The following INSR variants were observed in gnomAD, a reference collection of about 807,000 sequenced individuals.
The protein encoded by INSR is insulin receptor, also known as IR.
In INSR, 67 loss-of-function variants were observed where a neutral mutation model predicts 142.6. That is an observed-to-expected ratio of 0.47 (90% CI 0.39 to 0.58). The LOEUF (loss-of-function observed/expected upper bound fraction) is 0.58, where lower values mean the gene tolerates loss of function less well. INSR is among the 20% of genes least tolerant of loss of function. INSR has a pLI of 0.00. For missense variants in INSR, 1,248 were observed against 1,833.2 expected (o/e 0.68, Z 5.83); for synonymous variants, 756 against 743.1 (o/e 1.02, Z -0.28).
chr19:7,233,368 C>A (rs1227032219), intron 2 of INSR, among the ~76,000 whole-genome samples: 1 of 152,176 alleles, frequency 6.6e-6, no homozygotes, highest in Non-Finnish European at 1.5e-5. Context: ...TGCCCAGAGC[C>A]CCACGGCTAC....
Position 7,174,617 on chromosome 19 carries a change from G to C in INSR, c.1089C>G (p.Ile363Met). 1 of 1,614,098 alleles carries C rather than the reference G, an allele frequency of 6.2e-7. No individual in the cohort carries two copies. The highest frequency in any genetic ancestry group is 8.5e-7 in the Non-Finnish European group (1 of 1,180,018). Residue 363 changes from isoleucine (I) to methionine (M), a missense_variant, in exon 4 of 22, where the codon ATC becomes ATG. Physicochemically the swap from Ile to Met is conservative, Grantham distance 10 (BLOSUM62 1). Around this residue, in one of 3 missense-constraint regions of INSR, gnomAD observed 1,069 missense variants for 1,654.0 expected, o/e 0.65. Coordinates refer to ENST00000302850, the MANE Select transcript of INSR (RefSeq NM_000208.4). Reference protein sequence around the residue: ...SAQELRGCTVINGSLIINIRG... With the variant: ...SAQELRGCTVMNGSLIINIRG... ...GAATGTTGATGATCAGACTCCCGTT[G>C]ATGACGGTGCATCCTCGGAGCTCCT...
chr19:7,207,695 G>C (rs1238360135), intron 2 of INSR, among the ~76,000 whole-genome samples: 3 of 152,064 alleles, frequency 2.0e-5, no homozygotes, highest in Admixed American at 6.6e-5. Flanking sequence ...GGCTGAGGCA[G>C]GAGGATCGCT....
intron 3 of INSR, among the ~76,000 whole-genome samples, chr19:7,183,263 G>GGT (rs71177167): frequency 0.084 from 12,252 of 146,466 alleles, 522 homozygotes; most frequent in Middle Eastern, 0.14. Context: ...GTTGTTTTGT[G>GGT]GTGTGTGTGT....
chr19:7,124,143 C>G (rs1406039045), intron 17 of INSR, among the ~76,000 whole-genome samples: 1 of 151,916 alleles, frequency 6.6e-6, no homozygotes, highest in African/African-American at 2.4e-5. Flanking sequence ...GCGGGTGGAT[C>G]ACGAGGTCAG....
At chr19:7,217,773 A>G (rs1425747377) in intron 2 of INSR, among the ~76,000 whole-genome samples, 1 of 152,142 alleles carries the variant, frequency 6.6e-6, no homozygotes. Context: ...GTTAGCCAGG[A>G]TGGTCTCGAT....
intron 2 of INSR, among the ~76,000 whole-genome samples, chr19:7,227,712 G>A (rs1330933675): frequency 6.6e-6 from 1 of 152,160 alleles, no homozygotes; most frequent in Non-Finnish European, 1.5e-5. Context: ...GCCCTTGCAA[G>A]TTACAAAACA....
At position 7,152,863 on chromosome 19, in the gene INSR, G is replaced by A. The variant is rs1356739260; in HGVS notation, c.2094C>T (p.Asn698=). ...PFESEDSQKH[N]QSEYEDSAGE... is the part of the protein sequence containing the mutation. ...CGGCCGAATCCTCATACTCACTCTG[G>A]TTGTGCTTCTGAGAATCTTCAGACT... is the stretch of plus-strand genomic sequence containing the variant. Residue 698 remains asparagine (N), a synonymous_variant, in exon 10 of 22, where the codon AAC becomes AAT. Coordinates refer to ENST00000302850, the MANE Select transcript of INSR (RefSeq NM_000208.4). The A allele has an allele frequency of 6.2e-7, 1 of 1,613,256 alleles. No individual in the cohort carries two copies. Among genetic ancestry groups the A allele is most frequent in the Non-Finnish European group, 8.5e-7 (1 of 1,179,904 alleles).
chr19:7,151,214 C>CTT (rs1973348961), intron 10 of INSR, among the ~76,000 whole-genome samples: 8 of 132,180 alleles, frequency 6.1e-5, no homozygotes, highest in Non-Finnish European at 1.3e-4. Context: ...CTTTCTTTTT[C>CTT]TTTCTCTCTT....
At chr19:7,205,492 C>T (rs763379341) in intron 2 of INSR, among the ~76,000 whole-genome samples, 13 of 152,286 alleles carry the variant, frequency 8.5e-5, no homozygotes, top group South Asian at 6.2e-4. Flanking sequence ...GGATGGACAG[C>T]CAGCCATGCC....
intron 2 of INSR, among the ~76,000 whole-genome samples, chr19:7,203,735 A>C (rs2145053455): frequency 6.6e-6 from 1 of 152,274 alleles, no homozygotes; most frequent in Middle Eastern, 3.4e-3. Flanking sequence ...GGACGTACTG[A>C]ATTTCTGCAG....
rs192574979 is a variant in INSR at position 7,280,484 on chromosome 19, G to A, written c.101-12588C>T. On this transcript the variant is annotated intron_variant, in intron 1 of 21. Coordinates refer to ENST00000302850, the MANE Select transcript of INSR (RefSeq NM_000208.4). ...TGTAATCCCAGCACTTTGGGCAGCCGAGGCGGGTGGATCACCTGAGATCAG... is the reference window on the plus strand; with the variant it reads ...TGTAATCCCAGCACTTTGGGCAGCCAAGGCGGGTGGATCACCTGAGATCAG... 1.7e-4 allele frequency among the ~76,000 whole-genome samples: 26 copies of A among 152,146 alleles called. No individual in the cohort carries two copies. The East Asian group carries it at 2.3e-3, about 14-fold the overall frequency.
chr19:7,187,292 G>T (rs1230609775), intron 2 of INSR, among the ~76,000 whole-genome samples: 2 of 151,760 alleles, frequency 1.3e-5, no homozygotes, highest in Non-Finnish European at 2.9e-5. Flanking sequence ...GTGTTGGCCA[G>T]GCTGGTCTCG....
At chr19:7,120,772 C>A in intron 19 of INSR, 23 bp from the exon 20 acceptor site, 1 of 1,612,352 alleles carries the variant, frequency 6.2e-7, no homozygotes, top group Non-Finnish European at 8.5e-7. Context: ...AAGGTTCACA[C>A]GCTCTTAACC....
In INSR at chr19:7,122,880, T is replaced by A. The variant is rs1454889999; in HGVS notation, c.3368A>T (p.Glu1123Val). Residue 1123 changes from glutamate to valine, a missense_variant and splice_region_variant, in exon 18 of 22, where the codon GAG becomes GTG. Around this residue, in one of 3 missense-constraint regions of INSR, gnomAD observed 1,069 missense variants for 1,654.0 expected, o/e 0.65. Coordinates refer to ENST00000302850, the MANE Select transcript of INSR (RefSeq NM_000208.4). ...SYLRSLRPEAENNPGRPPPTL... is the reference protein window; with the variant it reads ...SYLRSLRPEAVNNPGRPPPTL... ...GCTGGGTCCCCCGAAGCAGCTTACC[T>A]CAGCCTCTGGCCGCAGAGAACGGAG... 1 of 1,609,710 alleles carries A rather than the reference T, an allele frequency of 6.2e-7. No homozygotes were observed.
intron 3 of INSR, among the ~76,000 whole-genome samples, chr19:7,183,690 T>C (rs62111394): frequency 0.12 from 18,223 of 152,040 alleles, 1,335 homozygotes; most frequent in South Asian, 0.21. Context: ...TGGAGGATTT[T>C]AGGGAAAACC....
Position 7,166,046 on chromosome 19 carries a change from AAG to A in INSR, c.1861+106_1861+107del. On this transcript the variant is annotated intron_variant, in intron 8 of 21. Coordinates refer to ENST00000302850, the MANE Select transcript of INSR (RefSeq NM_000208.4). The surrounding 1 kb of genome is among the most constrained non-coding windows in gnomAD (Gnocchi z 4.1). ...AAGACCCTGTCTAAAAAAAAAAAAA[AAG>A]CCAATAACCATATCAAGGAGCATTT... 1.5e-6 allele frequency: 2 copies of A among 1,294,292 alleles called. No homozygotes were observed. Among genetic ancestry groups the A allele is most frequent in the Admixed American group, 4.1e-5 (2 of 48,934 alleles). 80.2% of individuals were successfully genotyped at this position (1,294,292 alleles called of 1,614,324 possible).
chr19:7,280,585 C>T (rs1968179568), intron 1 of INSR, among the ~76,000 whole-genome samples: 2 of 151,914 alleles, frequency 1.3e-5, no homozygotes, highest in East Asian at 2.0e-4. Flanking sequence ...GGCATGGTGG[C>T]GTATGCCTGT....
chr19:7,175,642 C>T (rs1361864227), intron 3 of INSR, among the ~76,000 whole-genome samples: 1 of 152,094 alleles, frequency 6.6e-6, no homozygotes, highest in East Asian at 1.9e-4. Flanking sequence ...CAAGACCAGC[C>T]TGGCCAACAT....
At chr19:7,230,834 G>A (rs1206634305) in intron 2 of INSR, among the ~76,000 whole-genome samples, 1 of 150,406 alleles carries the variant, frequency 6.6e-6, no homozygotes, top group Non-Finnish European at 1.5e-5. Flanking sequence ...AAAAATATTA[G>A]CTCAAGGCCT....
Sources: allele counts gnomAD v4.1 joint callset (sites outside exome capture counted in the v4.1 genomes callset), GRCh38; gene constraint gnomAD v4.1.1; regional missense constraint gnomAD v4.1.1; non-coding constraint Gnocchi (gnomAD v3.1); transcripts MANE v1.5; gene names NCBI Gene and HGNC (gene_info 2026-07-23, HGNC 2026-07-21).